Variants in ANTXRL observed in about 807,000 individuals in gnomAD.
The protein encoded by ANTXRL is anthrax toxin receptor-like.
A neutral mutation model predicts 75.4 loss-of-function variants in ANTXRL; 63 were observed. The ratio of observed to expected loss-of-function variants is 0.84; its 90% CI spans 0.68 to 1.03. ANTXRL has a LOEUF of 1.03. ANTXRL is among the 50% of genes least tolerant of loss of function. The probability of loss-of-function intolerance (pLI) is 0.00; values close to 1 mark genes in which losing one functional copy is unlikely to be tolerated. For missense variants in ANTXRL, 797 were observed against 789.4 expected (o/e 1.01, Z -0.12); for synonymous variants, 335 against 291.3 (o/e 1.15, Z -1.53).
upstream of ANTXRL, among the ~76,000 whole-genome samples, chr10:46,286,690 T>A (rs558305189): frequency 6.6e-6 from 1 of 152,284 alleles, no homozygotes; most frequent in South Asian, 2.1e-4. Flanking sequence ...CTTCCCGAAC[T>A]GCCATCTCCT....
intron 1 of ANTXRL, among the ~76,000 whole-genome samples, chr10:46,291,610 C>T (rs1293957575): frequency 6.6e-6 from 1 of 152,136 alleles, no homozygotes. Flanking sequence ...GTTTTCAGTA[C>T]ACATTTCTTT....
chr10:46,317,930 C>G (rs1183214137), intron 16 of ANTXRL, among the ~76,000 whole-genome samples: 1 of 152,150 alleles, frequency 6.6e-6, no homozygotes, highest in Non-Finnish European at 1.5e-5. Flanking sequence ...AGGAGACCCT[C>G]TCAAACTCCA....
chr10:46,309,233 G>A, intron 13 of ANTXRL, 31 bp downstream of exon 13: 2 of 1,535,396 alleles, frequency 1.3e-6, no homozygotes, highest in South Asian at 1.2e-5. Context: ...CAGCTCTGGG[G>A]CCCAGGCACA....
chr10:46,308,919 G>A (rs1838260605), intron 12 of ANTXRL, among the ~76,000 whole-genome samples, 194 bp from the exon 13 acceptor site: 2 of 152,124 alleles, frequency 1.3e-5, no homozygotes, highest in South Asian at 2.1e-4. Flanking sequence ...CAGGGCTCTG[G>A]GGCAGAGACT....
chr10:46,314,137 A>C (rs782407342), intron 16 of ANTXRL, among the ~76,000 whole-genome samples: 33 of 152,320 alleles, frequency 2.2e-4, no homozygotes, highest in Admixed American at 3.9e-4. Flanking sequence ...CTCAGTGGCC[A>C]GGTGGCTGTG....
At chr10:46,314,641 G>C (rs1838621475) in intron 16 of ANTXRL, among the ~76,000 whole-genome samples, 1 of 152,082 alleles carries the variant, frequency 6.6e-6, no homozygotes, top group Admixed American at 6.6e-5. Flanking sequence ...TTTAGGGGTG[G>C]GGTGGTGGGG....
rs1554967211 is a variant in ANTXRL at position 46,329,804 on chromosome 10, A to G, written c.1616A>G (p.His539Arg). The stretch of plus-strand genomic sequence containing the variant: ...AACATCTGCCTGAGACACAGCCAAC[A>G]CAGCAGGGAGTGCCTTGCCCGCAAA... Reference protein sequence around the residue: ...SPNICLRHSQHSRECLARKQA... With the variant: ...SPNICLRHSQRSRECLARKQA... Residue 539 changes from histidine to arginine, a missense_variant, in exon 17 of 17, where the codon CAC becomes CGC. His to Arg is a conservative substitution (Grantham distance 29). Around this residue, in one of 3 missense-constraint regions of ANTXRL, gnomAD observed 479 missense variants for 422.0 expected, o/e 1.14. Transcript: ENST00000620264. 3 of 1,533,254 alleles carry G rather than the reference A, an allele frequency of 2.0e-6. No homozygotes were observed. Among genetic ancestry groups the G allele is most frequent in the Non-Finnish European group, 1.7e-6 (2 of 1,146,228 alleles). 95.0% of individuals were successfully genotyped at this position (1,533,254 alleles called of 1,614,324 possible).
chr10:46,312,721 G>A (rs1385640714), intron 15 of ANTXRL, among the ~76,000 whole-genome samples: 1 of 148,846 alleles, frequency 6.7e-6, no homozygotes, highest in Non-Finnish European at 1.5e-5. Flanking sequence ...CTGCAGCGCC[G>A]AGTGGCCAAG....
intron 4 of ANTXRL, 56 bp from the exon 5 acceptor site, chr10:46,296,163 A>C (rs1837364825): frequency 1.3e-6 from 2 of 1,535,252 alleles, no homozygotes; most frequent in Non-Finnish European, 1.7e-6. Flanking sequence ...AAAATCTTAG[A>C]GCATCAGTGG....
chr10:46,310,161 T>G (rs1374624135), intron 13 of ANTXRL, among the ~76,000 whole-genome samples: 1 of 152,074 alleles, frequency 6.6e-6, no homozygotes, highest in Non-Finnish European at 1.5e-5. Context: ...CATGTGGCTG[T>G]GGGCAGAGAA....
At chr10:46,291,919 T>C (rs1837003428) in intron 1 of ANTXRL, 139 bp from the exon 2 acceptor site, 1 of 736,640 alleles carries the variant, frequency 1.4e-6, no homozygotes, top group African/African-American at 1.8e-5. Flanking sequence ...CAGTGGCCAC[T>C]GGGGGTGTAC....
chr10:46,323,129 G>T (rs782195679), intron 16 of ANTXRL, among the ~76,000 whole-genome samples: 1 of 152,066 alleles, frequency 6.6e-6, no homozygotes, highest in African/African-American at 2.4e-5. Flanking sequence ...TTACTGACTT[G>T]TCCTTAGCTA....
chr10:46,299,886 G>C (rs1200432410), intron 9 of ANTXRL, among the ~76,000 whole-genome samples: 1 of 152,138 alleles, frequency 6.6e-6, no homozygotes, highest in African/African-American at 2.4e-5. Context: ...CTCTGTCCCC[G>C]ACCCCGCCTC....
intron 10 of ANTXRL, among the ~76,000 whole-genome samples, chr10:46,305,953 C>T (rs1366089049): frequency 6.6e-6 from 1 of 152,174 alleles, no homozygotes; most frequent in Admixed American, 6.5e-5. Flanking sequence ...GTCCTGTTGC[C>T]TCCATGTGCA....
At chr10:46,299,963 C>A (rs1554960101) in intron 9 of ANTXRL, among the ~76,000 whole-genome samples, 1 of 152,190 alleles carries the variant, frequency 6.6e-6, no homozygotes, top group Non-Finnish European at 1.5e-5. Context: ...GGGTCTCTTT[C>A]TGTTCCTCCT....
At chr10:46,296,843 C>G (rs4384332) in intron 5 of ANTXRL, among the ~76,000 whole-genome samples, 60,861 of 151,890 alleles carry the variant, frequency 0.4, 12,026 homozygotes, top group Non-Finnish European at 0.48. Context: ...ACCTGGCCCC[C>G]TGGGAGCCTC....
intron 16 of ANTXRL, among the ~76,000 whole-genome samples, chr10:46,322,065 A>G (rs1839003046): frequency 6.6e-6 from 1 of 152,124 alleles, no homozygotes; most frequent in Admixed American, 6.5e-5. Flanking sequence ...AGTCGCCAGA[A>G]GGAAACACAT....
At chr10:46,320,952 G>C (rs1175147916) in intron 16 of ANTXRL, among the ~76,000 whole-genome samples, 2 of 152,134 alleles carry the variant, frequency 1.3e-5, no homozygotes, top group East Asian at 3.8e-4. Flanking sequence ...CCTTTTGCAG[G>C]TATCACTTGA....
rs539120646 is a variant in ANTXRL, at chr10:46,314,940, C to T, written c.1410+1624C>T. Among the ~76,000 whole-genome samples, 32 of 152,222 alleles carry T rather than the reference C, an allele frequency of 2.1e-4. No homozygotes were observed. In the South Asian group the frequency reaches 5.6e-3, roughly 27 times the overall value. On this transcript the variant is annotated intron_variant, in intron 16 of 16. Transcript: ENST00000620264. ...CCTAGGCTCCTTTCTAGCTCTTCTG[C>T]GACAACCTAATTTGACCTTGTGCTT...
Sources: allele counts gnomAD v4.1 joint callset (sites outside exome capture counted in the v4.1 genomes callset), GRCh38; gene constraint gnomAD v4.1.1; regional missense constraint gnomAD v4.1.1; transcripts MANE v1.5; gene names NCBI Gene and HGNC (gene_info 2026-07-23, HGNC 2026-07-21).